The following DDO variants were observed in gnomAD, a reference collection of about 807,000 sequenced individuals.
DDO encodes D-aspartate oxidase, DDO.
DDO carries 16 observed loss-of-function variants against 16.8 expected under a neutral mutation model. The ratio of observed to expected loss-of-function variants is 0.95; its 90% confidence interval spans 0.65 to 1.45. DDO has a LOEUF of 1.45. Ranked by LOEUF, DDO falls within the 40% of genes most tolerant of loss-of-function variation. DDO has a pLI of 0.00. For missense variants in DDO, 429 were observed against 420.3 expected, an observed-to-expected ratio of 1.02 and a Z score of -0.18; for synonymous variants, 180 against 167.2, an observed-to-expected ratio of 1.08 and a Z score of -0.59.
intron 4 of DDO, among the ~76,000 whole-genome samples, chr6:110,393,843 G>A (rs969543045): frequency 1.3e-5 from 2 of 152,176 alleles, no homozygotes; most frequent in Non-Finnish European, 2.9e-5. Flanking sequence ...ATGTTAGCAC[G>A]AGAAGAACAC....
chr6:110,400,120 G>A, intron 4 of DDO, among the ~76,000 whole-genome samples: 1 of 152,226 alleles, frequency 6.6e-6, no homozygotes, highest in East Asian at 1.9e-4. Context: ...AGGACGGGGT[G>A]GCAGGGTTGA....
At chr6:110,390,570 GTGAAGC>G (rs1321771416), downstream of DDO, among the ~76,000 whole-genome samples, 1 of 152,194 alleles carries the variant, frequency 6.6e-6, no homozygotes, top group Non-Finnish European at 1.5e-5. Flanking sequence ...AAAACGCAGA[GTGAAGC>G]TGAACTAGAG....
chr6:110,404,642 T>C (rs1312541410), intron 4 of DDO, 132 bp downstream of exon 4: 10 of 885,758 alleles, frequency 1.1e-5, no homozygotes, highest in African/African-American at 3.3e-5. Context: ...CCCTAGCCAT[T>C]TGTGAGTGGC....
In DDO at chr6:110,392,801, T is replaced by C. The variant is rs201350461; in HGVS notation, c.1000A>G (p.Thr334Ala). The C allele has an allele frequency of 4.6e-4, 727 of 1,576,868 alleles. No individual in the cohort carries two copies. Among genetic ancestry groups the C allele is most frequent in the Non-Finnish European group, 6.1e-4 (710 of 1,160,454 alleles). Residue 334 changes from threonine (T) to alanine (A), a missense_variant, in exon 5 of 5, where the codon ACC becomes GCC. Transcript: ENST00000368924. ...LVSECVHALRTPIPKSNL is the reference protein window; with the variant it reads ...LVSECVHALRAPIPKSNL ...TACAGGTTTGACTTGGGAATGGGGG[T>C]CCTGAGGGCATGGACACACTCGCTC...
intron 4 of DDO, 80 bp downstream of exon 4, chr6:110,404,694 C>T: frequency 3.4e-6 from 5 of 1,485,370 alleles, no homozygotes; most frequent in Non-Finnish European, 4.6e-6. Context: ...AGAGACTTTT[C>T]AGTATGTATT....
At chr6:110,406,038 C>A (rs930440580) in intron 3 of DDO, among the ~76,000 whole-genome samples, 5 of 152,182 alleles carry the variant, frequency 3.3e-5, no homozygotes, top group Non-Finnish European at 5.9e-5. Context: ...CATGAAGACA[C>A]AAATGTCCTT....
At chr6:110,414,373 C>A (rs1186764431) in intron 1 of DDO, among the ~76,000 whole-genome samples, 7 of 152,246 alleles carry the variant, frequency 4.6e-5, no homozygotes, top group African/African-American at 1.7e-4. Flanking sequence ...AGCCTCCACT[C>A]CCTCATCTGT....
rs1773165052 is a variant in DDO, at chr6:110,393,114, G to A, written c.687C>T (p.Ser229=). ...SGLTYIYPGT[S]HVTLGGTRQK... ...GCCTAGTTCCACCTAGGGTTACATG[G>A]GATGTACCAGGATAAATATATGTCA... The change falls in exon 5 of 5, where the codon TCC becomes TCT. Residue 229 remains serine (S), a synonymous_variant. Transcript: ENST00000368924. 2 of 1,613,958 alleles carry A rather than the reference G, an allele frequency of 1.2e-6. No homozygotes were observed. Among genetic ancestry groups the A allele is most frequent in the Non-Finnish European group, 1.7e-6 (2 of 1,179,830 alleles).
Sources: allele counts gnomAD v4.1 joint callset (sites outside exome capture counted in the v4.1 genomes callset), GRCh38; gene constraint gnomAD v4.1.1; transcripts MANE v1.5; gene names NCBI Gene and HGNC (gene_info 2026-07-23, HGNC 2026-07-21).